The following UVRAG variants were observed in gnomAD, a reference collection of about 807,000 sequenced individuals.
The protein encoded by UVRAG is UV radiation resistance-associated gene protein.
A neutral mutation model predicts 78.0 loss-of-function variants in UVRAG; 19 were observed. The observed-to-expected ratio is 0.24, with a 90% CI of 0.17 to 0.36. UVRAG has a LOEUF of 0.36. Among genes scored for constraint, UVRAG ranks in the 10% least tolerant of loss-of-function variants. The pLI is 1.00. For synonymous variants in UVRAG, 323 were observed against 324.6 expected (o/e 1.00, Z 0.05); for missense variants, 740 against 853.8 (o/e 0.87, Z 1.66).
rs188311298 is a variant in UVRAG at position 76,021,444 on chromosome 11, A to T, written c.1226+4464A>T. ...TAGTCATTCTAGTTAAAGATTTGTC[A>T]ATTTCTTTTCAAAGAAAAGACTTGT... On this transcript the variant is annotated intron_variant, in intron 12 of 14. Transcript: ENST00000356136. Among the ~76,000 whole-genome samples the T allele has an allele frequency of 9.5e-4, 144 of 152,080 alleles. 2 individuals are homozygous for T. In the East Asian group the frequency reaches 0.02, roughly 21 times the overall value.
intron 1 of UVRAG, among the ~76,000 whole-genome samples, chr11:75,828,776 CACACATATATATATATATATATAT>C: frequency 1.4e-5 from 1 of 72,678 alleles, no homozygotes; most frequent in Admixed American, 1.5e-4. Flanking sequence ...TATATATATA[CACACATATATATATATATATATAT>C]ATATATTTTT....
At chr11:75,961,126 G>A (rs974683160) in intron 6 of UVRAG, among the ~76,000 whole-genome samples, 11 of 151,750 alleles carry the variant, frequency 7.2e-5, no homozygotes, top group Admixed American at 4.6e-4. Context: ...TTCACTGGGC[G>A]TCAGTTTCCA....
chr11:75,969,121 G>A (rs568013225), intron 7 of UVRAG, among the ~76,000 whole-genome samples: 7 of 152,076 alleles, frequency 4.6e-5, no homozygotes, highest in African/African-American at 1.4e-4. Context: ...GAAACTGTAC[G>A]CATTAAACAC....
At chr11:76,140,056 T>C (rs1378401781) in intron 14 of UVRAG, among the ~76,000 whole-genome samples, 2 of 93,064 alleles carry the variant, frequency 2.1e-5, no homozygotes, top group East Asian at 3.3e-4. Context: ...TGACTCTCTC[T>C]CTCTCCCTCC....
chr11:76,082,536 T>TC (rs1554988338), intron 13 of UVRAG, among the ~76,000 whole-genome samples: 3 of 14,468 alleles, frequency 2.1e-4, no homozygotes, highest in Non-Finnish European at 2.3e-4. Context: ...CGAGACTCCG[T>TC]CCCAAAAAAA....
chr11:76,056,903 T>C (rs1235186940), intron 12 of UVRAG, among the ~76,000 whole-genome samples: 1 of 152,132 alleles, frequency 6.6e-6, no homozygotes, highest in Non-Finnish European at 1.5e-5. Flanking sequence ...TCTCTAAGGG[T>C]GATTCTGATC....
intron 1 of UVRAG, among the ~76,000 whole-genome samples, chr11:75,836,358 GCC>G (rs1319634225): frequency 2.6e-5 from 4 of 152,088 alleles, no homozygotes; most frequent in Non-Finnish European, 5.9e-5. Flanking sequence ...TAAAACTGAG[GCC>G]CTAAGTAAAG....
intron 3 of UVRAG, among the ~76,000 whole-genome samples, chr11:75,867,250 A>G (rs1380077): frequency 0.11 from 17,216 of 152,206 alleles, 1,954 homozygotes; most frequent in African/African-American, 0.3. Flanking sequence ...GAATACACCC[A>G]TATATCCAGC....
chr11:76,083,214 C>A lies in UVRAG; in HGVS notation c.1305+17426C>A, dbSNP rs113545168. 7.0e-3 allele frequency among the ~76,000 whole-genome samples: 1,062 copies of A among 152,154 alleles called. 17 individuals are homozygous for A. Among genetic ancestry groups the A allele is most frequent in the African/African-American group, 0.024 (1,015 of 41,506 alleles). ...TAACCTTTCAGGTTTTTGTTATTAT[C>A]CTCATTTTACAGGTGAGGAAACAGG... On this transcript the variant is annotated intron_variant, in intron 13 of 14. Coordinates refer to ENST00000356136, the MANE Select transcript of UVRAG (RefSeq NM_003369.4).
rs1293565245 is a variant in UVRAG at position 76,141,551 on chromosome 11, A to G, written c.*138A>G. ...TTCCTCGGAAAAACAGACTTTGGGAATGAAGGAGGGACTCAGGATCATTGT... is the reference window on the plus strand; with the variant it reads ...TTCCTCGGAAAAACAGACTTTGGGAGTGAAGGAGGGACTCAGGATCATTGT... On this transcript the variant is annotated 3_prime_UTR_variant, in exon 15 of 15. Coordinates refer to ENST00000356136, the MANE Select transcript of UVRAG (RefSeq NM_003369.4). 4 of 906,800 alleles carry G rather than the reference A, an allele frequency of 4.4e-6. No homozygotes were observed. In the African/African-American group the frequency reaches 6.7e-5, roughly 15 times the overall value. 56.2% of individuals were successfully genotyped at this position (906,800 alleles called of 1,614,324 possible). A position where few individuals can be genotyped will look rare whatever the true frequency, so the allele number is the denominator to read the frequency against.
At position 75,977,772 on chromosome 11, in the gene UVRAG, C is replaced by T. The variant is rs374225964; in HGVS notation, c.700-5615C>T. On this transcript the variant is annotated intron_variant, in intron 7 of 14. Transcript: ENST00000356136. ...TTTTGAGCCTATGTGTGTCTCTGCA[C>T]GTGAGATGGGTTTCCTGAATACAGC... Among the ~76,000 whole-genome samples, 100 of 152,184 alleles carry T rather than the reference C, an allele frequency of 6.6e-4. 2 individuals are homozygous for T. The South Asian group carries it at 0.017, about 26-fold the overall frequency.
At chr11:75,868,064 GT>G (rs1946573144) in intron 3 of UVRAG, among the ~76,000 whole-genome samples, 1 of 152,210 alleles carries the variant, frequency 6.6e-6, no homozygotes, top group African/African-American at 2.4e-5. Flanking sequence ...GTTAGAACTG[GT>G]GAGTGGGACT....
intron 13 of UVRAG, among the ~76,000 whole-genome samples, chr11:76,070,880 G>A (rs1214480040): frequency 6.6e-6 from 1 of 152,150 alleles, no homozygotes; most frequent in Admixed American, 6.5e-5. Context: ...TTTCCGTTGG[G>A]GTGATGAAAA....
intron 3 of UVRAG, among the ~76,000 whole-genome samples, chr11:75,877,959 GC>G (rs1202790117): frequency 1.3e-5 from 2 of 149,564 alleles, no homozygotes; most frequent in African/African-American, 5.0e-5. Flanking sequence ...CCTGGTGGGG[GC>G]TGACCCCCAC....
intron 6 of UVRAG, among the ~76,000 whole-genome samples, chr11:75,950,541 A>G (rs1340093673): frequency 6.6e-6 from 1 of 152,200 alleles, no homozygotes; most frequent in Admixed American, 6.5e-5. Flanking sequence ...GGCATGAGCC[A>G]CCGCACCCAG....
At chr11:76,015,570 A>G (rs1478900790) in intron 11 of UVRAG, among the ~76,000 whole-genome samples, 1 of 152,276 alleles carries the variant, frequency 6.6e-6, no homozygotes, top group South Asian at 2.1e-4. Flanking sequence ...ATAAAGTACT[A>G]TAGACAGTTC....
chr11:75,982,649 C>T (rs768211384), intron 7 of UVRAG, among the ~76,000 whole-genome samples: 32 of 152,136 alleles, frequency 2.1e-4, no homozygotes, highest in African/African-American at 6.0e-4. Flanking sequence ...TTCTTTGAAA[C>T]GGGCAGGGGG....
chr11:75,817,514 G>A (rs1945285520), intron 1 of UVRAG, among the ~76,000 whole-genome samples: 1 of 151,998 alleles, frequency 6.6e-6, no homozygotes, highest in South Asian at 2.1e-4. Context: ...CATCTTTCTG[G>A]GGGTGTCAAC....
At position 76,061,421 on chromosome 11, in the gene UVRAG, G is replaced by A. The variant is rs564524405; in HGVS notation, c.1227-4289G>A. Among the ~76,000 whole-genome samples, 4 of 152,276 alleles carry A rather than the reference G, an allele frequency of 2.6e-5. No individual in the cohort carries two copies. In the East Asian group the frequency reaches 7.7e-4, roughly 29 times the overall value. On this transcript the variant is annotated intron_variant, in intron 12 of 14. Transcript: ENST00000356136. ...GCACCAGCAGTGGCAACCCGCTGGG[G>A]TCCCCTTCCACTCTGTGGAAGCTTT...
Sources: gnomAD v4.1 joint callset for allele counts (sites outside exome capture counted in the v4.1 genomes callset) on GRCh38, gnomAD v4.1.1 for gene constraint, MANE v1.5 for transcripts, NCBI Gene and HGNC (gene_info 2026-07-23, HGNC 2026-07-21) for gene names.